CHD1: variants seen among roughly 807,000 people sequenced by gnomAD.
CHD1 encodes chromodomain helicase DNA binding protein 1.
A neutral mutation model predicts 224.2 loss-of-function variants in CHD1; 36 were observed. The observed-to-expected ratio is 0.16, with a 90% CI of 0.12 to 0.21. The LOEUF is 0.21. Ranked by LOEUF, CHD1 falls within the 10% of genes least tolerant of loss-of-function variation. CHD1 has a pLI of 1.00. For missense variants in CHD1, 1,378 were observed against 1,994.8 expected, an observed-to-expected ratio of 0.69 and a Z score of 5.89; for synonymous variants, 668 against 658.3, an observed-to-expected ratio of 1.01 and a Z score of -0.23.
intron 30 of CHD1, chr5:98,869,527 A>T: frequency 2.2e-6 from 1 of 452,136 alleles, no homozygotes; most frequent in Non-Finnish European, 3.8e-6. Flanking sequence ...CCTTTGCTCT[A>T]TGCCTCTAGT....
intron 2 of CHD1, among the ~76,000 whole-genome samples, chr5:98,918,540 C>T (rs150991): frequency 0.33 from 49,386 of 149,624 alleles, 9,689 homozygotes; most frequent in African/African-American, 0.54. Flanking sequence ...GAGGCCAAGG[C>T]GGGCGGATCA....
At chr5:98,889,343 A>C in intron 15 of CHD1, 105 bp from the exon 16 acceptor site, 2 of 752,902 alleles carry the variant, frequency 2.7e-6, no homozygotes. Flanking sequence ...TACCAAAGTA[A>C]AACTGTACCG....
chr5:98,915,357 A>T (rs1478412942), intron 2 of CHD1, among the ~76,000 whole-genome samples: 1 of 152,124 alleles, frequency 6.6e-6, no homozygotes, highest in Non-Finnish European at 1.5e-5. Context: ...CTATCTCCTT[A>T]AAGTTTCTAA....
At chr5:98,860,324 G>A in intron 32 of CHD1, 1 of 393,324 alleles carries the variant, frequency 2.5e-6, no homozygotes. Context: ...GTGAAAAGCA[G>A]TACAATCCTA....
At chr5:98,911,146 A>AAAAATATATATAT (rs1491111295) in intron 2 of CHD1, among the ~76,000 whole-genome samples, 4 of 39,126 alleles carry the variant, frequency 1.0e-4, no homozygotes, top group Admixed American at 3.0e-4. Flanking sequence ...AAAAAAAAAA[A>AAAAATATATATAT]ATATATATAT....
chr5:98,906,158 A>C (rs186296532), intron 2 of CHD1, among the ~76,000 whole-genome samples: 29 of 152,330 alleles, frequency 1.9e-4, no homozygotes, highest in Admixed American at 1.3e-3. Context: ...GTTTGCAGGA[A>C]GAATTTTGAT....
chr5:98,862,234 C>G (rs1014413299), intron 32 of CHD1, among the ~76,000 whole-genome samples: 3 of 152,196 alleles, frequency 2.0e-5, no homozygotes, highest in Non-Finnish European at 4.4e-5. Context: ...TCCCTCTTTC[C>G]TTCCCCATCT....
intron 32 of CHD1, chr5:98,860,748 G>T (rs549681243): frequency 6.5e-6 from 1 of 152,686 alleles, no homozygotes; most frequent in South Asian, 2.1e-4. Context: ...CTAAGTTAGG[G>T]TAGTATCCCT....
intron 4 of CHD1, 136 bp from the exon 5 acceptor site, chr5:98,903,100 AT>A: frequency 1.4e-5 from 7 of 508,906 alleles, no homozygotes; most frequent in Non-Finnish European, 2.4e-5. Flanking sequence ...ATGTAGTTTT[AT>A]TTATGTTAAC....
chr5:98,927,514 G>A (rs1753552550), intron 1 of CHD1, among the ~76,000 whole-genome samples: 1 of 152,156 alleles, frequency 6.6e-6, no homozygotes, highest in Admixed American at 6.5e-5. Context: ...CTCAATGATA[G>A]CAAAGTCTGC....
Position 98,879,595 on chromosome 5 carries a change from T to G in CHD1, c.3194A>C (p.Glu1065Ala), listed in dbSNP as rs756364023. The G allele has an allele frequency of 2.5e-6, 4 of 1,602,952 alleles. No homozygotes were observed. The African/African-American group carries it at 5.4e-5, about 22-fold the overall frequency. ...LEEEERQKEL[E>A]EIYMLPRMRN... is the part of the protein sequence containing the mutation. ...CATTCTTGGGAGCATATAAATTTCTTCAAGTTCCTTTTGTCTTTCTTCTTC... is the reference window on the plus strand; with the variant it reads ...CATTCTTGGGAGCATATAAATTTCTGCAAGTTCCTTTTGTCTTTCTTCTTC... The change falls in exon 23 of 36, where the codon GAA (glutamate) becomes GCA (alanine). Residue 1065 changes from glutamate (E) to alanine (A), a missense_variant. Transcript: ENST00000614616.
At chr5:98,918,214 C>G (rs1479689382) in intron 2 of CHD1, among the ~76,000 whole-genome samples, 2 of 151,700 alleles carry the variant, frequency 1.3e-5, no homozygotes, top group Non-Finnish European at 2.9e-5. Context: ...CCCGCCAACA[C>G]GCCCAGCTAA....
At chr5:98,906,381 C>T (rs1175821232) in intron 2 of CHD1, among the ~76,000 whole-genome samples, 3 of 152,070 alleles carry the variant, frequency 2.0e-5, no homozygotes, top group Non-Finnish European at 4.4e-5. Context: ...ATTTTTAAGG[C>T]CATATTTTAC....
At chr5:98,915,813 T>C (rs1752695760) in intron 2 of CHD1, among the ~76,000 whole-genome samples, 1 of 152,190 alleles carries the variant, frequency 6.6e-6, no homozygotes, top group Non-Finnish European at 1.5e-5. Flanking sequence ...TACATGGGGC[T>C]CATTTTACTA....
chr5:98,888,005 T>C, intron 17 of CHD1, 83 bp downstream of exon 17: 2 of 883,332 alleles, frequency 2.3e-6, no homozygotes, highest in Non-Finnish European at 3.3e-6. Context: ...CCTAAACACT[T>C]ATAAAATAAT....
Position 98,898,310 on chromosome 5 carries a change from A to G in CHD1, c.1311T>C (p.Ile437=), listed in dbSNP as rs1751475711. 6.3e-7 allele frequency: 1 copy of G among 1,595,434 alleles called. No homozygotes were observed. The highest frequency in any genetic ancestry group is 1.1e-5 in the South Asian group (1 of 86,984). ...ATTGGTTCCTGCTAAAATACTCATC[A>G]ATGCATGCTTGAAACTTTTTGGAAA... ...ALISKKFQAC[I]DEYFSRNQSK... The change falls in exon 10 of 36, where the codon ATT becomes ATC. Residue 437 remains isoleucine, a synonymous_variant. Coordinates refer to ENST00000614616, the MANE Select transcript of CHD1 (RefSeq NM_001270.4).
At chr5:98,884,321 G>A (rs746617175) in intron 18 of CHD1, among the ~76,000 whole-genome samples, 5 of 151,996 alleles carry the variant, frequency 3.3e-5, no homozygotes, top group Non-Finnish European at 7.4e-5. Context: ...TGATCCGCCC[G>A]TCTCAGCCTC....
At chr5:98,894,963 A>G (rs1362757448) in intron 12 of CHD1, among the ~76,000 whole-genome samples, 1 of 152,036 alleles carries the variant, frequency 6.6e-6, no homozygotes, top group African/African-American at 2.4e-5. Flanking sequence ...CTAGGATTAC[A>G]GGAATGCACC....
At chr5:98,888,598 A>C (rs1750805895) in intron 16 of CHD1, among the ~76,000 whole-genome samples, 1 of 152,208 alleles carries the variant, frequency 6.6e-6, no homozygotes, top group African/African-American at 2.4e-5. Context: ...AGAGTAAGCA[A>C]ATGCATTCTA....
Sources: gnomAD v4.1 joint callset for allele counts (sites outside exome capture counted in the v4.1 genomes callset) on GRCh38, gnomAD v4.1.1 for gene constraint, MANE v1.5 for transcripts, NCBI Gene and HGNC (gene_info 2026-07-23, HGNC 2026-07-21) for gene names.